Variants in RABGAP1L observed in about 807,000 individuals in gnomAD.
RABGAP1L encodes the protein RAB GTPase activating protein 1 like, also known as rab GTPase-activating protein 1-like.
RABGAP1L carries 63 observed loss-of-function variants against 137.7 expected under a neutral mutation model. That is an observed-to-expected ratio of 0.46 (90% CI 0.37 to 0.56). The LOEUF (loss-of-function observed/expected upper bound fraction) is 0.56, where lower values mean the gene tolerates loss of function less well. RABGAP1L is among the 20% of genes least tolerant of loss of function. The probability of loss-of-function intolerance (pLI) is 0.00; values close to 1 mark genes in which losing one functional copy is unlikely to be tolerated. For missense variants in RABGAP1L, 1,095 were observed against 1,244.0 expected, an observed-to-expected ratio of 0.88 and a Z score of 1.80; for synonymous variants, 431 against 433.7, an observed-to-expected ratio of 0.99 and a Z score of 0.08.
chr1:174,701,046 G>T, intron 16 of RABGAP1L: 1 of 1,301,976 alleles, frequency 7.7e-7, no homozygotes, highest in Non-Finnish European at 1.0e-6. Flanking sequence ...TTTTCAAAGA[G>T]AGCATGTAGT....
At chr1:174,426,060 C>T (rs532343381) in intron 13 of RABGAP1L, among the ~76,000 whole-genome samples, 1 of 152,082 alleles carries the variant, frequency 6.6e-6, no homozygotes, top group South Asian at 2.1e-4. Flanking sequence ...AATCATTGTT[C>T]TCATAAAGTT....
At chr1:174,805,280 T>C (rs1573283684) in intron 18 of RABGAP1L, among the ~76,000 whole-genome samples, 1 of 152,336 alleles carries the variant, frequency 6.6e-6, no homozygotes, top group East Asian at 1.9e-4. Flanking sequence ...TATTTCTTCC[T>C]ACCTACTTGA....
intron 15 of RABGAP1L, among the ~76,000 whole-genome samples, chr1:174,684,810 C>T (rs1419032181): frequency 7.2e-5 from 11 of 152,096 alleles, no homozygotes; most frequent in Admixed American, 7.2e-4. Context: ...GACACCATCA[C>T]TACCACACAC....
intron 9 of RABGAP1L, among the ~76,000 whole-genome samples, chr1:174,277,357 A>G (rs987255984): frequency 5.9e-5 from 9 of 152,048 alleles, no homozygotes; most frequent in Non-Finnish European, 1.2e-4. Context: ...TGATAAAAAT[A>G]AGCCAGTTGA....
intron 13 of RABGAP1L, among the ~76,000 whole-genome samples, chr1:174,512,982 T>G (rs1662491124): frequency 6.6e-6 from 1 of 152,210 alleles, no homozygotes; most frequent in African/African-American, 2.4e-5. Flanking sequence ...GCAATGAAAT[T>G]AAGCCTCTCT....
intron 13 of RABGAP1L, among the ~76,000 whole-genome samples, chr1:174,565,773 A>C (rs555767074): frequency 2.0e-5 from 3 of 152,296 alleles, no homozygotes; most frequent in African/African-American, 7.2e-5. Flanking sequence ...GATTTGTTGT[A>C]TAACATTGTA....
intron 13 of RABGAP1L, among the ~76,000 whole-genome samples, chr1:174,532,334 G>A (rs770927832): frequency 6.6e-6 from 1 of 151,766 alleles, no homozygotes; most frequent in Non-Finnish European, 1.5e-5. Flanking sequence ...TCAGCCTCCT[G>A]AGTATCTGGG....
At chr1:174,198,700 T>A (rs1274291835) in intron 1 of RABGAP1L, among the ~76,000 whole-genome samples, 1 of 152,186 alleles carries the variant, frequency 6.6e-6, no homozygotes, top group Admixed American at 6.5e-5. Flanking sequence ...GGTAAAGTAA[T>A]ATTTAAAAGT....
intron 24 of RABGAP1L, among the ~76,000 whole-genome samples, chr1:174,984,057 CA>C (rs1163719976): frequency 0.086 from 9,873 of 115,022 alleles, 368 homozygotes; most frequent in African/African-American, 0.12. Flanking sequence ...TTTCTTCTAA[CA>C]AAAAAAAAAA....
chr1:174,798,172 G>A (rs1206121388), intron 18 of RABGAP1L, among the ~76,000 whole-genome samples: 4 of 151,090 alleles, frequency 2.6e-5, no homozygotes, highest in African/African-American at 9.8e-5. Flanking sequence ...CGAGGCAGGC[G>A]GATCACAAGG....
chr1:174,279,934 GA>G (rs1675347847), intron 10 of RABGAP1L, among the ~76,000 whole-genome samples: 1 of 152,048 alleles, frequency 6.6e-6, no homozygotes, highest in Non-Finnish European at 1.5e-5. Flanking sequence ...GAGCTGTATA[GA>G]AAGTTGTCAT....
chr1:174,985,761 C>A (rs1671536875), intron 24 of RABGAP1L, among the ~76,000 whole-genome samples: 1 of 152,124 alleles, frequency 6.6e-6, no homozygotes, highest in Non-Finnish European at 1.5e-5. Context: ...ATATAGGGAA[C>A]CCAAAATAGC....
At chr1:174,198,896 G>A (rs2148379703) in intron 1 of RABGAP1L, among the ~76,000 whole-genome samples, 1 of 152,208 alleles carries the variant, frequency 6.6e-6, no homozygotes, top group Non-Finnish European at 1.5e-5. Flanking sequence ...ATCACCTGAG[G>A]TTGGGAGTTC....
intron 10 of RABGAP1L, among the ~76,000 whole-genome samples, chr1:174,303,390 T>C (rs1677907044): frequency 6.6e-6 from 1 of 152,206 alleles, no homozygotes. Context: ...TTGAGACTTG[T>C]AACTTTAGAG....
chr1:174,360,415 A>G lies in RABGAP1L; in HGVS notation c.1466-10564A>G, dbSNP rs182742846. Reference sequence around the variant, plus strand: ...TAATTGCTATTAATAGTTTGGCATTATTTCTTACAGTTTTTTTAAAAAGAT... The same window carrying G: ...TAATTGCTATTAATAGTTTGGCATTGTTTCTTACAGTTTTTTTAAAAAGAT... On this transcript the variant is annotated intron_variant, in intron 11 of 25. Coordinates refer to ENST00000681986, the MANE Select transcript of RABGAP1L (RefSeq NM_001366446.1). 2.9e-3 allele frequency among the ~76,000 whole-genome samples: 436 copies of G among 152,268 alleles called. 5 individuals are homozygous for G. The highest frequency in any genetic ancestry group is 0.01 in the African/African-American group (418 of 41,550).
chr1:174,784,011 CTTTTTTTTTTTTTTTTT>C (rs3085670), intron 18 of RABGAP1L, among the ~76,000 whole-genome samples: 4 of 52,140 alleles, frequency 7.7e-5, no homozygotes, highest in African/African-American at 3.0e-4. Context: ...TCTTCTTCTT[CTTTTTTTTTTTTTTTTT>C]TTTTTTTTTT....
intron 24 of RABGAP1L, among the ~76,000 whole-genome samples, chr1:174,987,815 A>T (rs1671726466): frequency 6.6e-6 from 1 of 151,962 alleles, no homozygotes; most frequent in South Asian, 2.1e-4. Context: ...ATTTTATTTT[A>T]TTTTTATTTT....
chr1:174,656,498 G>C (rs1675982909), intron 14 of RABGAP1L, among the ~76,000 whole-genome samples: 1 of 152,126 alleles, frequency 6.6e-6, no homozygotes, highest in South Asian at 2.1e-4. Context: ...AATTCATTGA[G>C]TTTTAGAATT....
intron 13 of RABGAP1L, among the ~76,000 whole-genome samples, chr1:174,422,956 A>G (rs888738154): frequency 1.3e-5 from 2 of 151,688 alleles, no homozygotes; most frequent in African/African-American, 2.4e-5. Context: ...AAAAAAAAAA[A>G]AAAAAAAAAA....
Sources: gnomAD v4.1 joint callset for allele counts (sites outside exome capture counted in the v4.1 genomes callset) on GRCh38, gnomAD v4.1.1 for gene constraint, MANE v1.5 for transcripts, NCBI Gene and HGNC (gene_info 2026-07-23, HGNC 2026-07-21) for gene names.